LRRC28: variants seen among roughly 807,000 people sequenced by gnomAD.
LRRC28 encodes the protein leucine-rich repeat-containing protein 28.
In LRRC28, 39 loss-of-function variants were observed where a neutral mutation model predicts 45.7. The observed-to-expected ratio is 0.85, with a 90% CI of 0.66 to 1.12. The LOEUF (loss-of-function observed/expected upper bound fraction) is 1.12, where lower values mean the gene tolerates loss of function less well. Ranked by LOEUF, LRRC28 falls within the 50% of genes most tolerant of loss-of-function variation. LRRC28 has a pLI of 0.00. For missense variants in LRRC28, 435 were observed against 438.5 expected, an observed-to-expected ratio of 0.99 and a Z score of 0.07; for synonymous variants, 206 against 178.8, an observed-to-expected ratio of 1.15 and a Z score of -1.22.
chr15:99,348,633 C>T (rs1196714956), intron 6 of LRRC28, among the ~76,000 whole-genome samples: 1 of 152,004 alleles, frequency 6.6e-6, no homozygotes, highest in Non-Finnish European at 1.5e-5. Flanking sequence ...TATGCCGCAT[C>T]ATAGTGTTTT....
intron 5 of LRRC28, among the ~76,000 whole-genome samples, chr15:99,304,009 G>T (rs1258828496): frequency 2.0e-5 from 3 of 152,166 alleles, no homozygotes; most frequent in Non-Finnish European, 4.4e-5. Context: ...TGCTGTCAGA[G>T]ACTCAGTATC....
chr15:99,252,147 G>C (rs1036122170), intron 1 of LRRC28, among the ~76,000 whole-genome samples: 1 of 152,194 alleles, frequency 6.6e-6, no homozygotes, highest in Admixed American at 6.5e-5. Context: ...CTGATATTAA[G>C]TAATACTATT....
Position 99,286,199 on chromosome 15 carries a change from C to T in LRRC28, c.210-1058C>T, listed in dbSNP as rs556272646. Among the ~76,000 whole-genome samples, 4 of 152,280 alleles carry T rather than the reference C, an allele frequency of 2.6e-5. 1 individual carries two copies. Among genetic ancestry groups the T allele is most frequent in the South Asian group, 2.1e-4 (1 of 4,830 alleles). On this transcript the variant is annotated intron_variant, in intron 3 of 9. Coordinates refer to ENST00000301981, the MANE Select transcript of LRRC28 (RefSeq NM_144598.5). ...AGGCTGGAGTGCAGTGGCACAATCGCGGCTCACTGCAACCTCCGCCTCCCA... is the reference window on the plus strand; with the variant it reads ...AGGCTGGAGTGCAGTGGCACAATCGTGGCTCACTGCAACCTCCGCCTCCCA...
chr15:99,309,611 G>A lies in LRRC28; in HGVS notation c.385+21660G>A, dbSNP rs1016002093. On this transcript the variant is annotated intron_variant, in intron 5 of 9. Transcript: ENST00000301981. ...TTTAGTAGAGACGCGGTTTCATCAT[G>A]TTGGCCAGGCTGGTCTTGAACTCCT... Among the ~76,000 whole-genome samples the A allele has an allele frequency of 2.6e-5, 4 of 152,246 alleles. No individual in the cohort carries two copies. In the East Asian group the frequency reaches 5.8e-4, roughly 22 times the overall value.
intron 6 of LRRC28, among the ~76,000 whole-genome samples, chr15:99,351,908 A>G (rs191101183): frequency 2.6e-5 from 4 of 152,290 alleles, no homozygotes; most frequent in Non-Finnish European, 4.4e-5. Flanking sequence ...TTGGATGGAA[A>G]ATTGCTCAGA....
In LRRC28 at chr15:99,341,670, T is replaced by G. The variant is rs149316104; in HGVS notation, c.592+7541T>G. The stretch of plus-strand genomic sequence containing the variant: ...AAAGTGAGCCCTGTTCTCCCAAATA[T>G]CAATTAAGAGAAAAAGAAATGTTCA... On this transcript the variant is annotated intron_variant, in intron 6 of 9. Transcript: ENST00000301981. 2.2e-4 allele frequency among the ~76,000 whole-genome samples: 33 copies of G among 152,224 alleles called. 1 individual carries two copies. The East Asian group carries it at 6.2e-3, about 29-fold the overall frequency.
intron 6 of LRRC28, among the ~76,000 whole-genome samples, chr15:99,348,926 C>T (rs952558041): frequency 6.6e-6 from 1 of 151,966 alleles, no homozygotes; most frequent in African/African-American, 2.4e-5. Context: ...TATCTTTCCA[C>T]TTATTTGTGT....
intron 9 of LRRC28, among the ~76,000 whole-genome samples, chr15:99,382,477 C>T (rs1957859204): frequency 6.6e-6 from 1 of 152,202 alleles, no homozygotes; most frequent in African/African-American, 2.4e-5. Flanking sequence ...TGTTTTATTT[C>T]TCTTCAGATT....
Position 99,287,963 on chromosome 15 carries a change from C to T in LRRC28, c.385+12C>T. 12 of 1,605,690 alleles carry T rather than the reference C, an allele frequency of 7.5e-6. No homozygotes were observed. Among genetic ancestry groups the T allele is most frequent in the Non-Finnish European group, 1.0e-5 (12 of 1,175,916 alleles). On this transcript the variant is annotated intron_variant, in intron 5 of 9. Transcript: ENST00000301981. ...ATTCCTACCTCCAGGTAATCATAGT[C>T]TCTAGCACACTATAGTTTCTTGTCT...
intron 3 of LRRC28, among the ~76,000 whole-genome samples, chr15:99,280,312 A>C (rs1245969660): frequency 6.6e-6 from 1 of 151,920 alleles, no homozygotes; most frequent in African/African-American, 2.4e-5. Context: ...GGTCCAGTTT[A>C]TCATTTTTTG....
chr15:99,376,283 G>GAA (rs1957629482), intron 9 of LRRC28, among the ~76,000 whole-genome samples: 1 of 152,068 alleles, frequency 6.6e-6, no homozygotes, highest in Non-Finnish European at 1.5e-5. Flanking sequence ...TGTGTTTGAA[G>GAA]ATTTTCCTCT....
At chr15:99,274,670 C>G (rs796290181) in intron 2 of LRRC28, among the ~76,000 whole-genome samples, 11 of 152,268 alleles carry the variant, frequency 7.2e-5, no homozygotes, top group African/African-American at 2.6e-4. Flanking sequence ...AAATAGTCAA[C>G]TTTCTAGTAC....
chr15:99,346,512 A>G (rs899610915), intron 6 of LRRC28, among the ~76,000 whole-genome samples: 3 of 152,250 alleles, frequency 2.0e-5, no homozygotes, highest in African/African-American at 7.2e-5. Flanking sequence ...ATTTGAATCA[A>G]GACAGGATCT....
rs572101735 is a variant in LRRC28, at chr15:99,348,143, A to G, written c.593-4226A>G. 3.3e-5 allele frequency among the ~76,000 whole-genome samples: 5 copies of G among 152,218 alleles called. No homozygotes were observed. The East Asian group carries it at 9.6e-4, about 29-fold the overall frequency. ...TGAGTTGTTTTTCTGCTATTACGTT[A>G]TAAGAGTTCTTTATAAATTTTGTAT... On this transcript the variant is annotated intron_variant, in intron 6 of 9. Transcript: ENST00000301981.
chr15:99,329,592 G>A (rs945161814), intron 5 of LRRC28, among the ~76,000 whole-genome samples: 2 of 152,152 alleles, frequency 1.3e-5, no homozygotes, highest in African/African-American at 4.8e-5. Flanking sequence ...TTAACTTTGG[G>A]TATAAGCATT....
intron 9 of LRRC28, among the ~76,000 whole-genome samples, chr15:99,363,598 G>A (rs1022933568): frequency 1.3e-5 from 2 of 152,192 alleles, no homozygotes; most frequent in African/African-American, 4.8e-5. Context: ...GTTACATAAC[G>A]GGATGAGCCC....
chr15:99,277,272 T>A (rs2081643467), intron 3 of LRRC28, among the ~76,000 whole-genome samples: 1 of 152,182 alleles, frequency 6.6e-6, no homozygotes, highest in Non-Finnish European at 1.5e-5. Flanking sequence ...AAGCTAGCCT[T>A]ATACTCCCAT....
At chr15:99,254,789 A>G (rs1182949612) in intron 1 of LRRC28, among the ~76,000 whole-genome samples, 1 of 152,214 alleles carries the variant, frequency 6.6e-6, no homozygotes, top group Non-Finnish European at 1.5e-5. Flanking sequence ...TAAAACGGCA[A>G]ATGTTACTTG....
At position 99,387,008 on chromosome 15, in the gene LRRC28, A is replaced by C. The variant is rs559332076; in HGVS notation, c.*906A>C. ...TGGGTTTATGATTCAGTTTATACTG[A>C]CTTTGAAATATTTTTGTCACATGTG... On this transcript the variant is annotated 3_prime_UTR_variant, in exon 10 of 10. Transcript: ENST00000301981. 6.6e-6 allele frequency: 1 copy of C among 152,182 alleles called. No homozygotes were observed. Among genetic ancestry groups the C allele is most frequent in the East Asian group, 1.9e-4 (1 of 5,174 alleles). 9.4% of individuals were successfully genotyped at this position (152,182 alleles called of 1,614,324 possible). A position where few individuals can be genotyped will look rare whatever the true frequency, so the allele number is the denominator to read the frequency against.
Sources: gnomAD v4.1 joint callset for allele counts (sites outside exome capture counted in the v4.1 genomes callset) on GRCh38, gnomAD v4.1.1 for gene constraint, MANE v1.5 for transcripts, NCBI Gene and HGNC (gene_info 2026-07-23, HGNC 2026-07-21) for gene names.